NT5C3A: variants seen among roughly 807,000 people sequenced by gnomAD.
NT5C3A encodes the protein 5'-nucleotidase, cytosolic IIIA.
A neutral mutation model predicts 40.0 loss-of-function variants in NT5C3A; 23 were observed. The ratio of observed to expected loss-of-function variants is 0.58; its 90% CI spans 0.41 to 0.81. NT5C3A has a LOEUF of 0.81. Among genes scored for constraint, NT5C3A ranks in the 40% least tolerant of loss-of-function variants. NT5C3A has a pLI of 0.00. For missense variants in NT5C3A, 328 were observed against 403.0 expected (o/e 0.81, Z 1.59); for synonymous variants, 130 against 141.4 (o/e 0.92, Z 0.57).
At position 33,022,077 on chromosome 7, in the gene NT5C3A, C is replaced by T; in HGVS notation, c.330G>A (p.Leu110=). 1.3e-6 allele frequency: 2 copies of T among 1,535,062 alleles called. No homozygotes were observed. The highest frequency in any genetic ancestry group is 9.0e-7 in the Non-Finnish European group (1 of 1,109,192). The change falls in exon 4 of 9, where the codon CTG becomes CTA. Residue 110 remains leucine (L), a synonymous_variant. Coordinates refer to ENST00000610140, the MANE Select transcript of NT5C3A (RefSeq NM_001002010.5). ...TCHNIIDNCK[L]VTDECRKKLL... ...CCTTTTTTCTACATTCATCTGTAAC[C>T]AGCTTACAGTTGTCAATGATATCTA...
chr7:33,031,016 A>G (rs1197789115), intron 1 of NT5C3A, among the ~76,000 whole-genome samples: 2 of 151,188 alleles, frequency 1.3e-5, no homozygotes, highest in African/African-American at 2.4e-5. Flanking sequence ...GGAGAATGGC[A>G]TGAACCCCGG....
rs554203723 is a variant in NT5C3A, at chr7:33,051,122, C to G, written c.138+11446G>C. Among the ~76,000 whole-genome samples the G allele has an allele frequency of 7.2e-5, 11 of 152,164 alleles. No individual in the cohort carries two copies. The South Asian group carries it at 2.1e-3, about 29-fold the overall frequency. ...ATATATCTCTCTCTTTAATAACTCT[C>G]TCTAAATATGTAATACCTGAACTAT... is the stretch of plus-strand genomic sequence containing the variant. On this transcript the variant is annotated intron_variant, in intron 1 of 8. Coordinates refer to ENST00000610140, the MANE Select transcript of NT5C3A (RefSeq NM_001002010.5).
intron 1 of NT5C3A, among the ~76,000 whole-genome samples, chr7:33,058,410 A>C (rs985098049): frequency 6.6e-6 from 1 of 152,072 alleles, no homozygotes; most frequent in Admixed American, 6.6e-5. Flanking sequence ...GCAATGGTGC[A>C]ATCTTGGCTC....
intron 3 of NT5C3A, 45 bp from the exon 4 acceptor site, chr7:33,022,144 T>C: frequency 1.0e-6 from 1 of 987,114 alleles, no homozygotes; most frequent in South Asian, 1.3e-5. Flanking sequence ...ATACTCTGAT[T>C]TATGCTACCA....
intron 1 of NT5C3A, among the ~76,000 whole-genome samples, chr7:33,059,563 G>C (rs1787700410): frequency 6.6e-6 from 1 of 152,142 alleles, no homozygotes; most frequent in African/African-American, 2.4e-5. Flanking sequence ...CTGAAAGAAA[G>C]CAATTATGTT....
chr7:33,030,348 A>T (rs1006986182), intron 1 of NT5C3A, among the ~76,000 whole-genome samples: 1 of 152,224 alleles, frequency 6.6e-6, no homozygotes, highest in Non-Finnish European at 1.5e-5. Flanking sequence ...ACCTCCACAA[A>T]GTCCTTCTGT....
intron 6 of NT5C3A, 26 bp downstream of exon 6, chr7:33,019,608 AC>A (rs1436786298): frequency 3.0e-6 from 4 of 1,322,486 alleles, no homozygotes; most frequent in Non-Finnish European, 4.4e-6. Flanking sequence ...GTGAACAATA[AC>A]AGCAAAAAAC....
intron 4 of NT5C3A, 130 bp downstream of exon 4, chr7:33,021,923 T>C (rs1785647125): frequency 1.5e-6 from 1 of 686,282 alleles, no homozygotes; most frequent in Non-Finnish European, 2.7e-6. Context: ...TACTGAGTGC[T>C]TACTATGTGC....
At chr7:33,020,935 T>C (rs1445481022) in intron 5 of NT5C3A, among the ~76,000 whole-genome samples, 1 of 152,122 alleles carries the variant, frequency 6.6e-6, no homozygotes, top group Admixed American at 6.6e-5. Flanking sequence ...TGGCTCTGAG[T>C]TCAGACTCAG....
intron 1 of NT5C3A, among the ~76,000 whole-genome samples, chr7:33,059,072 C>T (rs972442052): frequency 1.3e-5 from 2 of 152,194 alleles, no homozygotes; most frequent in African/African-American, 2.4e-5. Flanking sequence ...AGCATCTTTA[C>T]TGAACTTGGC....
At chr7:33,039,665 T>C (rs1786819894) in intron 1 of NT5C3A, among the ~76,000 whole-genome samples, 2 of 150,908 alleles carry the variant, frequency 1.3e-5, no homozygotes, top group Admixed American at 1.3e-4. Context: ...TGGTGGGGCA[T>C]TTAAATAATT....
At position 33,058,688 on chromosome 7, in the gene NT5C3A, C is replaced by T. The variant is rs149275038; in HGVS notation, c.138+3880G>A. ...CTCTTTCAGAAAGACAGAGATGTTCCGTATTCCCCTCAAAAGGCATCTGTC... is the reference window on the plus strand; with the variant it reads ...CTCTTTCAGAAAGACAGAGATGTTCTGTATTCCCCTCAAAAGGCATCTGTC... On this transcript the variant is annotated intron_variant, in intron 1 of 8. Coordinates refer to ENST00000610140, the MANE Select transcript of NT5C3A (RefSeq NM_001002010.5). Among the ~76,000 whole-genome samples the T allele has an allele frequency of 3.3e-3, 507 of 152,256 alleles. 2 individuals carry two copies. The highest frequency in any genetic ancestry group is 0.012 in the African/African-American group (490 of 41,554).
At chr7:33,052,079 TTTTG>T (rs1787391276) in intron 1 of NT5C3A, among the ~76,000 whole-genome samples, 1 of 152,206 alleles carries the variant, frequency 6.6e-6, no homozygotes, top group South Asian at 2.1e-4. Context: ...TTTTGTTTTG[TTTTG>T]TTTTTTAATT....
At chr7:33,047,740 G>C (rs1289779535) in intron 1 of NT5C3A, among the ~76,000 whole-genome samples, 1 of 152,158 alleles carries the variant, frequency 6.6e-6, no homozygotes, top group Non-Finnish European at 1.5e-5. Flanking sequence ...GAAAATTATA[G>C]ATTTCTTTTG....
chr7:33,036,108 C>A, intron 1 of NT5C3A: 1 of 770,920 alleles, frequency 1.3e-6, no homozygotes, highest in Non-Finnish European at 2.2e-6. Context: ...TTTGGTATGA[C>A]TTATTTATTT....
chr7:33,061,000 T>G (rs1787753354), intron 1 of NT5C3A, among the ~76,000 whole-genome samples: 1 of 152,256 alleles, frequency 6.6e-6, no homozygotes, highest in African/African-American at 2.4e-5. Flanking sequence ...GTATTCTAGA[T>G]AGGTCTTCAT....
At chr7:33,018,484 A>T (rs1029558269) in intron 6 of NT5C3A, among the ~76,000 whole-genome samples, 3 of 152,232 alleles carry the variant, frequency 2.0e-5, no homozygotes, top group African/African-American at 7.2e-5. Flanking sequence ...AAAATATAAC[A>T]TCATCATAAA....
intron 6 of NT5C3A, among the ~76,000 whole-genome samples, chr7:33,017,895 AAT>A (rs1480109221): frequency 4.3e-4 from 65 of 152,368 alleles, no homozygotes; most frequent in Non-Finnish European, 1.0e-4. Flanking sequence ...TTTAAAAAGA[AAT>A]AGGCAGGCAT....
chr7:33,056,888 T>C (rs1787592423), intron 1 of NT5C3A, among the ~76,000 whole-genome samples: 2 of 152,164 alleles, frequency 1.3e-5, no homozygotes, highest in African/African-American at 4.8e-5. Flanking sequence ...CTCCGTTCAC[T>C]GCAACCTCCG....
Sources: allele counts gnomAD v4.1 joint callset (sites outside exome capture counted in the v4.1 genomes callset), GRCh38; gene constraint gnomAD v4.1.1; transcripts MANE v1.5; gene names NCBI Gene and HGNC (gene_info 2026-07-23, HGNC 2026-07-21).